MRPL3: variants seen among roughly 807,000 people sequenced by gnomAD.
The protein encoded by MRPL3 is large ribosomal subunit protein uL3m.
A neutral mutation model predicts 44.3 loss-of-function variants in MRPL3; 43 were observed. That is an observed-to-expected ratio of 0.97 (90% CI 0.76 to 1.25). The LOEUF (loss-of-function observed/expected upper bound fraction) is 1.25. MRPL3 is among the 50% of genes most tolerant of loss of function. The pLI is 0.00. For synonymous variants in MRPL3, 171 were observed against 152.3 expected (o/e 1.12, Z -0.91); for missense variants, 406 against 427.6 (o/e 0.95, Z 0.45).
At chr3:131,491,693 A>C (rs1399161481) in intron 4 of MRPL3, among the ~76,000 whole-genome samples, 1 of 152,034 alleles carries the variant, frequency 6.6e-6, no homozygotes, top group Non-Finnish European at 1.5e-5. Context: ...AGACTATTTA[A>C]AAATATAGCC....
chr3:131,489,953 C>T (rs1253227491), intron 5 of MRPL3, 28 bp downstream of exon 5: 1 of 1,436,706 alleles, frequency 7.0e-7, no homozygotes, highest in South Asian at 1.2e-5. Context: ...GTATTTTTAC[C>T]TCCCTCCTCT....
At chr3:131,491,206 A>C (rs1345875338) in intron 4 of MRPL3, among the ~76,000 whole-genome samples, 1 of 152,162 alleles carries the variant, frequency 6.6e-6, no homozygotes, top group Non-Finnish European at 1.5e-5. Flanking sequence ...CAGTTTAATC[A>C]GCACTTTCAG....
intron 6 of MRPL3, 188 bp downstream of exon 6, chr3:131,487,492 C>A: frequency 1.8e-6 from 1 of 552,692 alleles, no homozygotes; most frequent in South Asian, 2.4e-5. Flanking sequence ...CTGATGTGAA[C>A]CCTTTACATA....
At chr3:131,486,629 C>A (rs1404024236) in intron 6 of MRPL3, among the ~76,000 whole-genome samples, 1 of 151,832 alleles carries the variant, frequency 6.6e-6, no homozygotes, top group East Asian at 1.9e-4. Context: ...AAAAACCAAC[C>A]CCATCAAAAA....
chr3:131,476,897 T>C (rs569841203), intron 6 of MRPL3, among the ~76,000 whole-genome samples: 130 of 152,318 alleles, frequency 8.5e-4, no homozygotes, highest in Middle Eastern at 3.4e-3. Context: ...TCTTCTGTCC[T>C]ACAGTTTCCA....
intron 4 of MRPL3, among the ~76,000 whole-genome samples, chr3:131,493,572 G>A (rs1211587408): frequency 6.6e-6 from 1 of 152,136 alleles, no homozygotes; most frequent in Non-Finnish European, 1.5e-5. Flanking sequence ...CTAAACCAAC[G>A]ATGAAAAGAA....
At chr3:131,479,492 T>TAGAAAAA (rs1385991890) in intron 6 of MRPL3, among the ~76,000 whole-genome samples, 1 of 152,190 alleles carries the variant, frequency 6.6e-6, no homozygotes, top group African/African-American at 2.4e-5. Context: ...GAGATTCACC[T>TAGAAAAA]GGGTTTCTAG....
chr3:131,467,357 C>G (rs1933635757), intron 9 of MRPL3, among the ~76,000 whole-genome samples: 1 of 152,102 alleles, frequency 6.6e-6, no homozygotes, highest in Non-Finnish European at 1.5e-5. Flanking sequence ...CAGAGATATA[C>G]TGGTATTTTG....
At chr3:131,484,612 G>A (rs1934075140) in intron 6 of MRPL3, among the ~76,000 whole-genome samples, 1 of 152,210 alleles carries the variant, frequency 6.6e-6, no homozygotes, top group African/African-American at 2.4e-5. Flanking sequence ...GTATGCACAT[G>A]TATGTGTACA....
rs144278918 is a variant in MRPL3, at chr3:131,497,031, T to C, written c.468+1148A>G. On this transcript the variant is annotated intron_variant, in intron 4 of 9. Transcript: ENST00000264995. ...TCTCTGGCATGCCTGTAACACCCAT[T>C]TTCCTTTCTGTTCTCCCTGTGAAAC... Among the ~76,000 whole-genome samples, 374 of 152,334 alleles carry C rather than the reference T, an allele frequency of 2.5e-3. 4 individuals carry two copies. Among genetic ancestry groups the C allele is most frequent in the African/African-American group, 7.8e-3 (323 of 41,578 alleles).
intron 6 of MRPL3, among the ~76,000 whole-genome samples, chr3:131,472,062 G>A (rs1235736885): frequency 6.6e-6 from 1 of 152,160 alleles, no homozygotes; most frequent in Non-Finnish European, 1.5e-5. Flanking sequence ...AGGCATCCAG[G>A]TAAGTTACAA....
At chr3:131,462,985 A>C (rs565181752) in intron 9 of MRPL3, 110 bp from the exon 10 acceptor site, 6 of 870,918 alleles carry the variant, frequency 6.9e-6, no homozygotes, top group Non-Finnish European at 8.5e-6. Context: ...TCTAATGTGA[A>C]TAACACAACT....
chr3:131,484,240 T>C (rs1235710391), intron 6 of MRPL3, among the ~76,000 whole-genome samples: 5 of 152,266 alleles, frequency 3.3e-5, no homozygotes, highest in Admixed American at 1.3e-4. Flanking sequence ...GCCCAGTGGT[T>C]CTCAATGTGT....
At chr3:131,480,237 T>A (rs888424657) in intron 6 of MRPL3, among the ~76,000 whole-genome samples, 1 of 152,198 alleles carries the variant, frequency 6.6e-6, no homozygotes, top group Non-Finnish European at 1.5e-5. Context: ...CTACTGAAGA[T>A]CCCTGTAAAG....
chr3:131,484,631 C>T (rs1336475191), intron 6 of MRPL3, among the ~76,000 whole-genome samples: 1 of 151,968 alleles, frequency 6.6e-6, no homozygotes, highest in East Asian at 1.9e-4. Flanking sequence ...CATGTACAGA[C>T]GTGGGAAGTC....
chr3:131,486,391 A>C (rs957748671), intron 6 of MRPL3, among the ~76,000 whole-genome samples: 18 of 109,016 alleles, frequency 1.7e-4, no homozygotes, highest in Middle Eastern at 5.0e-3. Context: ...AAAAAAAAAA[A>C]CCAAAAAAAA....
chr3:131,488,192 G>GT (rs1934172771), intron 5 of MRPL3, among the ~76,000 whole-genome samples: 1 of 152,076 alleles, frequency 6.6e-6, no homozygotes, highest in South Asian at 2.1e-4. Context: ...AATGATCATG[G>GT]TATGTATGAC....
At position 131,464,142 on chromosome 3, in the gene MRPL3, G is replaced by A. The variant is rs146610139; in HGVS notation, c.895-1267C>T. 2.0e-5 allele frequency among the ~76,000 whole-genome samples: 3 copies of A among 152,104 alleles called. No homozygotes were observed. The East Asian group carries it at 5.8e-4, about 29-fold the overall frequency. On this transcript the variant is annotated intron_variant, in intron 9 of 9. Coordinates refer to ENST00000264995, the MANE Select transcript of MRPL3 (RefSeq NM_007208.4). Reference sequence around the variant, plus strand: ...ATTCTTACCAATTTAAACTTGCTCAGTATTTAGGATTGAAAATAAAACCCA... The same window carrying A: ...ATTCTTACCAATTTAAACTTGCTCAATATTTAGGATTGAAAATAAAACCCA...
At chr3:131,491,720 C>T (rs1934259961) in intron 4 of MRPL3, among the ~76,000 whole-genome samples, 1 of 152,074 alleles carries the variant, frequency 6.6e-6, no homozygotes, top group Non-Finnish European at 1.5e-5. Context: ...AACCACTTAC[C>T]ACCCCATCCC....
Sources: gnomAD v4.1 joint callset for allele counts (sites outside exome capture counted in the v4.1 genomes callset) on GRCh38, gnomAD v4.1.1 for gene constraint, MANE v1.5 for transcripts, NCBI Gene and HGNC (gene_info 2026-07-23, HGNC 2026-07-21) for gene names.